APMAP: variants seen among roughly 807,000 people sequenced by gnomAD.
The protein encoded by APMAP is adipocyte plasma membrane associated protein, also known as adipocyte plasma membrane-associated protein.
In APMAP, 33 loss-of-function variants were observed where a neutral mutation model predicts 43.6. That is an observed-to-expected ratio of 0.76 (90% confidence interval 0.57 to 1.01). The LOEUF (loss-of-function observed/expected upper bound fraction) is 1.01, where lower values mean the gene tolerates loss of function less well. APMAP is among the 50% of genes least tolerant of loss of function. The probability of loss-of-function intolerance (pLI) is 0.00; values close to 1 mark genes in which losing one functional copy is unlikely to be tolerated. For missense variants in APMAP, 498 were observed against 540.7 expected (o/e 0.92, Z 0.78); for synonymous variants, 224 against 216.7 (o/e 1.03, Z -0.30).
intron 3 of APMAP, among the ~76,000 whole-genome samples, chr20:24,975,109 A>C (rs1600284552): frequency 6.6e-6 from 1 of 152,350 alleles, no homozygotes; most frequent in East Asian, 1.9e-4. Context: ...TTTCCTGCTA[A>C]GATCAAGAAC....
rs1039822747 is a variant in APMAP, at chr20:24,977,818, G to A, written c.328+949C>T. On this transcript the variant is annotated intron_variant, in intron 3 of 8. Coordinates refer to ENST00000217456, the MANE Select transcript of APMAP (RefSeq NM_020531.3). ...GCTTTTAAAATTTACACAAATAAAT[G>A]CCAATGTCTTTTTAAGAGAAATACA... 2.6e-5 allele frequency among the ~76,000 whole-genome samples: 4 copies of A among 152,290 alleles called. No individual in the cohort carries two copies. In the East Asian group the frequency reaches 7.7e-4, roughly 29 times the overall value.
rs78195827 is a variant in APMAP, at chr20:24,981,111, C to T, written c.213-2229G>A. The stretch of plus-strand genomic sequence containing the variant: ...TCTTCCAGTCTGGACTATTACACAG[C>T]TGGTTTCAGTACTTGAGAACAAAAT... On this transcript the variant is annotated intron_variant, in intron 2 of 8. Transcript: ENST00000217456. Among the ~76,000 whole-genome samples, 656 of 152,328 alleles carry T rather than the reference C, an allele frequency of 4.3e-3. 2 individuals carry two copies. The highest frequency in any genetic ancestry group is 0.012 in the Admixed American group (188 of 15,306).
Position 24,971,601 on chromosome 20 carries a change from TG to T in APMAP, c.422-26del, listed in dbSNP as rs536721344. 2.1e-4 allele frequency: 334 copies of T among 1,585,756 alleles called. No individual in the cohort carries two copies. In the African/African-American group the frequency reaches 4.2e-3, roughly 20 times the overall value. On this transcript the variant is annotated intron_variant, in intron 4 of 8. Transcript: ENST00000217456. ...TCTAGAAAAACAAACAGATGGGGAT[TG>T]GTAGCTGGTCCCGGATTCTACATGT...
chr20:24,968,957 T>C lies in APMAP; in HGVS notation c.976A>G (p.Asn326Asp). ...AAATCCAGCATGGAAAACCCAGGGTTAGGGCGGATGGTCGACATGCCCACC... is the reference window on the plus strand; with the variant it reads ...AAATCCAGCATGGAAAACCCAGGGTCAGGGCGGATGGTCGACATGCCCACC... ...YWVGMSTIRP[N>D]PGFSMLDFLS... The change falls in exon 8 of 9, where the codon AAC becomes GAC. Residue 326 changes from asparagine (N) to aspartate (D), a missense_variant. Asn to Asp is a conservative substitution (Grantham distance 23). Coordinates refer to ENST00000217456, the MANE Select transcript of APMAP (RefSeq NM_020531.3). 3 of 1,613,886 alleles carry C rather than the reference T, an allele frequency of 1.9e-6. No homozygotes were observed. The highest frequency in any genetic ancestry group is 1.7e-6 in the Non-Finnish European group (2 of 1,179,900).
At chr20:24,967,104 G>A (rs2087951370) in intron 8 of APMAP, among the ~76,000 whole-genome samples, 1 of 152,144 alleles carries the variant, frequency 6.6e-6, no homozygotes. Context: ...GACCAGCCTG[G>A]CCAACATGGT....
At chr20:24,982,995 A>G (rs2088118227) in intron 2 of APMAP, among the ~76,000 whole-genome samples, 1 of 152,120 alleles carries the variant, frequency 6.6e-6, no homozygotes, top group African/African-American at 2.4e-5. Context: ...CCCATTCTCA[A>G]TCTTACATGA....
chr20:24,963,289 T>A lies in APMAP; in HGVS notation c.*524A>T, dbSNP rs2087913023. On this transcript the variant is annotated 3_prime_UTR_variant, in exon 9 of 9. Transcript: ENST00000217456. ...CCCCACATAACCCTTGAGAACACAG[T>A]TCCATGTCTTGGCTAACACGGCTCT... is the stretch of plus-strand genomic sequence containing the variant. 1 of 157,714 alleles carries A rather than the reference T, an allele frequency of 6.3e-6. No homozygotes were observed. Among genetic ancestry groups the A allele is most frequent in the African/African-American group, 2.4e-5 (1 of 41,462 alleles). 9.8% of individuals were successfully genotyped at this position (157,714 alleles called of 1,614,324 possible).
At chr20:24,964,506 C>T (rs927665412) in intron 8 of APMAP, 3 of 467,126 alleles carry the variant, frequency 6.4e-6, no homozygotes, top group East Asian at 6.9e-5. Context: ...AGCAGGTCCA[C>T]AGACCACACA....
chr20:24,963,398 A>G lies in APMAP; in HGVS notation c.*415T>C, dbSNP rs1004751392. ...ACGAAGAAAGGTATGACCGCACGTTATATATAGTAAAGAAGAACTTTGAGG... is the reference window on the plus strand; with the variant it reads ...ACGAAGAAAGGTATGACCGCACGTTGTATATAGTAAAGAAGAACTTTGAGG... On this transcript the variant is annotated 3_prime_UTR_variant, in exon 9 of 9. Coordinates refer to ENST00000217456, the MANE Select transcript of APMAP (RefSeq NM_020531.3). The G allele has an allele frequency of 5.0e-6, 1 of 201,130 alleles. No homozygotes were observed. Among genetic ancestry groups the G allele is most frequent in the Non-Finnish European group, 1.0e-5 (1 of 96,676 alleles). The allele number at this position is 201,130 out of a possible 1,614,324, so 12.5% of individuals were successfully genotyped here.
chr20:24,973,614 G>A, intron 4 of APMAP, 31 bp downstream of exon 4: 1 of 1,581,518 alleles, frequency 6.3e-7, no homozygotes, highest in Non-Finnish European at 8.7e-7. Context: ...AAGACTGGAA[G>A]AGACACATCG....
chr20:24,972,450 G>A (rs1406983587), intron 4 of APMAP, among the ~76,000 whole-genome samples: 1 of 149,454 alleles, frequency 6.7e-6, no homozygotes, highest in African/African-American at 2.5e-5. Context: ...ATTGCAGGGT[G>A]TTATTGCAGG....
At chr20:24,989,364 G>C (rs1451772722) in intron 1 of APMAP, among the ~76,000 whole-genome samples, 1 of 152,192 alleles carries the variant, frequency 6.6e-6, no homozygotes, top group Non-Finnish European at 1.5e-5. Flanking sequence ...TGATGCAACA[G>C]GATTTGACAA....
intron 3 of APMAP, among the ~76,000 whole-genome samples, chr20:24,975,863 A>G (rs903454902): frequency 3.9e-5 from 6 of 152,246 alleles, no homozygotes; most frequent in African/African-American, 1.4e-4. Flanking sequence ...TTTAGCCCAG[A>G]GACAGACCCA....
intron 1 of APMAP, among the ~76,000 whole-genome samples, chr20:24,992,371 C>A (rs1236640400): frequency 6.6e-6 from 1 of 152,204 alleles, no homozygotes; most frequent in East Asian, 1.9e-4. Flanking sequence ...CGACTGGGCG[C>A]AGGGTGCACC....
chr20:24,984,536 C>T (rs892164622), intron 1 of APMAP, among the ~76,000 whole-genome samples: 1 of 152,178 alleles, frequency 6.6e-6, no homozygotes, highest in Non-Finnish European at 1.5e-5. Context: ...CCTGAGGATC[C>T]AATTCCCCAA....
chr20:24,985,330 A>T (rs1415195126), intron 1 of APMAP, among the ~76,000 whole-genome samples: 1 of 152,248 alleles, frequency 6.6e-6, no homozygotes, highest in African/African-American at 2.4e-5. Context: ...GACAAAGGAA[A>T]GACTAAGGGG....
At chr20:24,988,648 G>A (rs2088167412) in intron 1 of APMAP, among the ~76,000 whole-genome samples, 1 of 152,178 alleles carries the variant, frequency 6.6e-6, no homozygotes, top group South Asian at 2.1e-4. Context: ...TGCTTTGGTA[G>A]GTACAGGGTG....
At chr20:24,973,955 T>G (rs2088028349) in intron 3 of APMAP, among the ~76,000 whole-genome samples, 1 of 152,218 alleles carries the variant, frequency 6.6e-6, no homozygotes, top group African/African-American at 2.4e-5. Context: ...CCTGTGGGCA[T>G]GAACCTGACT....
At chr20:24,989,087 C>T (rs954475068) in intron 1 of APMAP, among the ~76,000 whole-genome samples, 3 of 152,036 alleles carry the variant, frequency 2.0e-5, no homozygotes, top group African/African-American at 7.3e-5. Flanking sequence ...TGTCTTTTCT[C>T]GGTGTCTGCC....
Sources: gnomAD v4.1 joint callset for allele counts (sites outside exome capture counted in the v4.1 genomes callset) on GRCh38, gnomAD v4.1.1 for gene constraint, MANE v1.5 for transcripts, NCBI Gene and HGNC (gene_info 2026-07-23, HGNC 2026-07-21) for gene names.